The following XRN1 variants were observed in gnomAD, a reference collection of about 807,000 sequenced individuals.
XRN1 encodes the protein strand-exchange protein 1 homolog.
XRN1 carries 67 observed loss-of-function variants against 222.3 expected under a neutral mutation model. The observed-to-expected ratio is 0.30, with a 90% CI of 0.25 to 0.37. XRN1 has a LOEUF of 0.37. XRN1 is among the 10% of genes least tolerant of loss of function. The probability of loss-of-function intolerance (pLI) is 1.00; values close to 1 mark genes in which losing one functional copy is unlikely to be tolerated. For synonymous variants in XRN1, 643 were observed against 652.4 expected, an observed-to-expected ratio of 0.99 and a Z score of 0.22; for missense variants, 1,707 against 2,000.2, an observed-to-expected ratio of 0.85 and a Z score of 2.80.
intron 1 of XRN1, among the ~76,000 whole-genome samples, chr3:142,441,190 C>T (rs11711164): frequency 0.12 from 18,153 of 152,240 alleles, 1,124 homozygotes; most frequent in Non-Finnish European, 0.14. Context: ...TACTGCTTAT[C>T]CTCATCCCCA....
intron 39 of XRN1, among the ~76,000 whole-genome samples, chr3:142,315,934 T>C (rs1392399418): frequency 1.3e-5 from 2 of 152,208 alleles, no homozygotes; most frequent in Non-Finnish European, 2.9e-5. Context: ...TTATTAATTT[T>C]AGGCATTTTT....
At chr3:142,360,157 G>A (rs2066575932) in intron 29 of XRN1, among the ~76,000 whole-genome samples, 1 of 152,006 alleles carries the variant, frequency 6.6e-6, no homozygotes, top group Non-Finnish European at 1.5e-5. Flanking sequence ...TCCCAACTAG[G>A]TAACATTATC....
intron 37 of XRN1, among the ~76,000 whole-genome samples, chr3:142,326,814 G>A (rs1298975009): frequency 6.6e-6 from 1 of 152,186 alleles, no homozygotes; most frequent in Admixed American, 6.5e-5. Flanking sequence ...CCAGTTTGTT[G>A]AGAGCTGTTA....
In XRN1 at chr3:142,349,124, C is replaced by T. The variant is rs72990432; in HGVS notation, c.3769-1782G>A. ...TGTGCCACTATGCCTGGCTAATTTT[C>T]GTATTGTTTTGTAGAGATGGGATTT... On this transcript the variant is annotated intron_variant, in intron 32 of 40. Coordinates refer to ENST00000392981, the MANE Select transcript of XRN1 (RefSeq NM_001282857.2). 3.4e-3 allele frequency among the ~76,000 whole-genome samples: 504 copies of T among 149,886 alleles called. 5 individuals carry two copies. The highest frequency in any genetic ancestry group is 0.012 in the African/African-American group (486 of 40,708).
intron 33 of XRN1, among the ~76,000 whole-genome samples, chr3:142,336,092 T>C (rs141779113): frequency 6.6e-6 from 1 of 152,082 alleles, no homozygotes; most frequent in African/African-American, 2.4e-5. Flanking sequence ...TGGGGGATGG[T>C]AGGAGAAATG....
chr3:142,421,242 G>A, intron 9 of XRN1, 89 bp from the exon 10 acceptor site: 1 of 1,255,100 alleles, frequency 8.0e-7, no homozygotes, highest in Non-Finnish European at 1.1e-6. Context: ...CTACTACTGG[G>A]GTATAGGAAA....
At chr3:142,409,120 A>T (rs545811100) in intron 15 of XRN1, among the ~76,000 whole-genome samples, 11 of 152,038 alleles carry the variant, frequency 7.2e-5, no homozygotes, top group African/African-American at 2.7e-4. Context: ...TTCTGCATAT[A>T]TTTTTTTTCT....
intron 20 of XRN1, among the ~76,000 whole-genome samples, chr3:142,394,773 C>G (rs1028421693): frequency 5.3e-5 from 8 of 152,154 alleles, no homozygotes; most frequent in Admixed American, 4.6e-4. Flanking sequence ...AACCAAAAAC[C>G]AGCTCTACTC....
chr3:142,431,909 T>TTAC (rs2069585661), intron 2 of XRN1, among the ~76,000 whole-genome samples: 1 of 36,220 alleles, frequency 2.8e-5, no homozygotes, highest in Non-Finnish European at 4.4e-5. Flanking sequence ...ATATTATATA[T>TTAC]ATAAATATAT....
intron 37 of XRN1, among the ~76,000 whole-genome samples, chr3:142,326,130 G>C (rs188190395): frequency 6.6e-6 from 1 of 151,082 alleles, no homozygotes; most frequent in South Asian, 2.1e-4. Flanking sequence ...ATTCAGGATC[G>C]TGTGCGGTTC....
intron 19 of XRN1, among the ~76,000 whole-genome samples, chr3:142,397,665 CATTCAAATTTTA>C (rs1215150495): frequency 2.6e-5 from 4 of 152,004 alleles, no homozygotes; most frequent in Admixed American, 6.6e-5. Context: ...TTGTTAATTT[CATTCAAATTTTA>C]AAAGCATGGG....
chr3:142,339,711 G>A (rs1314715418), intron 33 of XRN1, among the ~76,000 whole-genome samples: 1 of 152,050 alleles, frequency 6.6e-6, no homozygotes, highest in African/African-American at 2.4e-5. Context: ...GCTGAGGTGG[G>A]AGGACTGACT....
chr3:142,439,748 A>AT (rs1036562789), intron 1 of XRN1, among the ~76,000 whole-genome samples: 2 of 123,344 alleles, frequency 1.6e-5, no homozygotes, highest in East Asian at 2.3e-4. Flanking sequence ...GACAAACGGG[A>AT]TTAAAAAAAA....
At chr3:142,335,654 T>A in intron 33 of XRN1, 145 bp from the exon 34 acceptor site, 1 of 702,312 alleles carries the variant, frequency 1.4e-6, no homozygotes, top group Non-Finnish European at 2.4e-6. Flanking sequence ...ATTTATAACA[T>A]AGATAAGGGG....
chr3:142,383,193 A>C, intron 22 of XRN1, 107 bp downstream of exon 22: 2 of 884,868 alleles, frequency 2.3e-6, no homozygotes, highest in South Asian at 1.6e-5. Flanking sequence ...TAAATTCTTT[A>C]TTTTTTCCCT....
At chr3:142,362,470 A>G (rs995599065) in intron 29 of XRN1, among the ~76,000 whole-genome samples, 1 of 151,558 alleles carries the variant, frequency 6.6e-6, no homozygotes, top group Non-Finnish European at 1.5e-5. Flanking sequence ...ACGGGATTTC[A>G]TCATGTTGGC....
intron 22 of XRN1, among the ~76,000 whole-genome samples, chr3:142,381,046 G>C (rs1481485399): frequency 6.7e-6 from 1 of 150,258 alleles, no homozygotes; most frequent in East Asian, 1.9e-4. Context: ...GTTGCAGTGA[G>C]CCCAGATCAT....
intron 30 of XRN1, among the ~76,000 whole-genome samples, chr3:142,359,329 A>C (rs889996735): frequency 6.6e-6 from 1 of 152,158 alleles, no homozygotes; most frequent in African/African-American, 2.4e-5. Context: ...TCACTTGTCA[A>C]ATCATGCCAA....
At chr3:142,353,902 G>A (rs1577275906) in intron 32 of XRN1, among the ~76,000 whole-genome samples, 1 of 152,040 alleles carries the variant, frequency 6.6e-6, no homozygotes, top group East Asian at 1.9e-4. Flanking sequence ...CAGAATGGGA[G>A]AAAATATTCG....
Sources: allele counts gnomAD v4.1 joint callset (sites outside exome capture counted in the v4.1 genomes callset), GRCh38; gene constraint gnomAD v4.1.1; transcripts MANE v1.5; gene names NCBI Gene and HGNC (gene_info 2026-07-23, HGNC 2026-07-21).